The following GRIN2B variants were observed in gnomAD, a reference collection of about 807,000 sequenced individuals.
GRIN2B encodes the protein glutamate receptor ionotropic, NMDA 2B.
GRIN2B carries 5 observed loss-of-function variants against 114.5 expected under a neutral mutation model. That is an observed-to-expected ratio of 0.04 (90% CI 0.02 to 0.09). The LOEUF is 0.09. Ranked by LOEUF, GRIN2B falls within the 10% of genes least tolerant of loss-of-function variation. GRIN2B has a pLI of 1.00. For missense variants in GRIN2B, 1,108 were observed against 1,943.5 expected, an observed-to-expected ratio of 0.57 and a Z score of 8.08; for synonymous variants, 787 against 745.1, an observed-to-expected ratio of 1.06 and a Z score of -0.92.
At chr12:13,818,585 A>G (rs1478083293) in intron 3 of GRIN2B, among the ~76,000 whole-genome samples, 1 of 152,240 alleles carries the variant, frequency 6.6e-6, no homozygotes, top group Non-Finnish European at 1.5e-5. Context: ...AGTTAAATCT[A>G]TTTATTATAC....
chr12:13,810,439 T>C (rs1227427447), intron 3 of GRIN2B, among the ~76,000 whole-genome samples: 2 of 152,160 alleles, frequency 1.3e-5, no homozygotes, highest in East Asian at 3.9e-4. Flanking sequence ...CTACTGTGTC[T>C]ACTCAGTAGC....
chr12:13,837,402 G>C (rs1338050478), intron 3 of GRIN2B, among the ~76,000 whole-genome samples: 1 of 152,226 alleles, frequency 6.6e-6, no homozygotes, highest in Non-Finnish European at 1.5e-5. Context: ...TCACAGGATT[G>C]TTGGGAGGCA....
Position 13,564,706 on chromosome 12 carries a change from T to C in GRIN2B, c.2599-67A>G. ...CTAGAAATGACCACAAAAAACACTC[T>C]CCCACCAATAATTGCTCCAACTGGA... On this transcript the variant is annotated intron_variant, in intron 13 of 13. Transcript: ENST00000609686. The surrounding 1 kb of genome is among the most constrained non-coding windows in gnomAD (Gnocchi z 4.8). 2.2e-6 allele frequency: 3 copies of C among 1,358,678 alleles called. No homozygotes were observed. The highest frequency in any genetic ancestry group is 1.4e-5 in the African/African-American group (1 of 70,388). 84.2% of individuals were successfully genotyped at this position (1,358,678 alleles called of 1,614,324 possible). A position where few individuals can be genotyped will look rare whatever the true frequency, so the allele number is the denominator to read the frequency against.
In GRIN2B at chr12:13,760,453, T is replaced by C. The variant is rs111799775; in HGVS notation, c.412-6538A>G. 2.5e-3 allele frequency among the ~76,000 whole-genome samples: 379 copies of C among 152,356 alleles called. 3 individuals carry two copies. The highest frequency in any genetic ancestry group is 8.7e-3 in the African/African-American group (362 of 41,576). On this transcript the variant is annotated intron_variant, in intron 3 of 13. Transcript: ENST00000609686. ...AAAGTCTTTCACATTATTCAAATCT[T>C]AGTACTGTATAATATCATAGGGAAT...
intron 10 of GRIN2B, among the ~76,000 whole-genome samples, chr12:13,592,164 CA>C (rs1172077399): frequency 1.3e-5 from 2 of 152,024 alleles, no homozygotes; most frequent in Non-Finnish European, 2.9e-5. Flanking sequence ...TGTAGGAGGA[CA>C]GGGGTGGGTG....
chr12:13,734,060 G>A (rs116317074), intron 4 of GRIN2B, among the ~76,000 whole-genome samples: 2,622 of 152,234 alleles, frequency 0.017, 73 homozygotes, highest in African/African-American at 0.059. Context: ...AGTTCCTTTC[G>A]GAAAGTAATT....
chr12:13,591,200 C>A (rs1949004820), intron 10 of GRIN2B, among the ~76,000 whole-genome samples: 1 of 152,164 alleles, frequency 6.6e-6, no homozygotes, highest in Non-Finnish European at 1.5e-5. Context: ...CTCACTGAAA[C>A]AAGTGAGTGC....
chr12:13,573,563 C>T (rs892912324), intron 10 of GRIN2B, among the ~76,000 whole-genome samples: 1 of 125,692 alleles, frequency 8.0e-6, no homozygotes, highest in Non-Finnish European at 1.8e-5. Flanking sequence ...AACCCACTCT[C>T]TAAGCTTCTT....
At chr12:13,578,594 C>T (rs1948807144) in intron 10 of GRIN2B, among the ~76,000 whole-genome samples, 1 of 152,218 alleles carries the variant, frequency 6.6e-6, no homozygotes, top group African/African-American at 2.4e-5. Context: ...AAGAATCACT[C>T]AGGCAAGCCC....
In GRIN2B at chr12:13,558,966, A is replaced by C. The variant is rs2136396630; in HGVS notation, c.*3817T>G. On this transcript the variant is annotated 3_prime_UTR_variant, in exon 14 of 14. Coordinates refer to ENST00000609686, the MANE Select transcript of GRIN2B (RefSeq NM_000834.5). The stretch of plus-strand genomic sequence containing the variant: ...ACCACTTCTGCAATGGAAGGGAATG[A>C]TAGAGGGTACAAAGCGAGAAAGCAT... The C allele has an allele frequency of 6.6e-6, 1 of 152,378 alleles. No individual in the cohort carries two copies. The highest frequency in any genetic ancestry group is 2.1e-4 in the South Asian group (1 of 4,828). The allele number at this position is 152,378 out of a possible 1,614,324, so 9.4% of individuals were successfully genotyped here. A position where few individuals can be genotyped will look rare whatever the true frequency, so the allele number is the denominator to read the frequency against.
Position 13,564,690 on chromosome 12 carries a change from A to G in GRIN2B, c.2599-51T>C. ...TAGATCTCCAGAGAGGCTAGAAATG[A>G]CCACAAAAAACACTCTCCCACCAAT... On this transcript the variant is annotated intron_variant, in intron 13 of 13. Coordinates refer to ENST00000609686, the MANE Select transcript of GRIN2B (RefSeq NM_000834.5). This position sits in a 1 kb window ranked among gnomAD's most constrained non-coding sequence, Gnocchi z 4.8. 1 of 1,490,080 alleles carries G rather than the reference A, an allele frequency of 6.7e-7. No individual in the cohort carries two copies. The highest frequency in any genetic ancestry group is 2.3e-5 in the East Asian group (1 of 44,290). The allele number at this position is 1,490,080 out of a possible 1,614,324, so 92.3% of individuals were successfully genotyped here.
At chr12:13,785,139 T>A (rs1233205769) in intron 3 of GRIN2B, among the ~76,000 whole-genome samples, 2 of 152,230 alleles carry the variant, frequency 1.3e-5, no homozygotes, top group Non-Finnish European at 2.9e-5. Context: ...TTAATTCAAT[T>A]ATAACATGTC....
At chr12:13,892,335 G>A (rs1391667646) in intron 2 of GRIN2B, among the ~76,000 whole-genome samples, 1 of 152,166 alleles carries the variant, frequency 6.6e-6, no homozygotes, top group African/African-American at 2.4e-5. Context: ...ATGCTTATAT[G>A]TCAAATCCAA....
chr12:13,859,647 T>C (rs1190563709), intron 3 of GRIN2B, among the ~76,000 whole-genome samples: 2 of 152,200 alleles, frequency 1.3e-5, no homozygotes, highest in South Asian at 4.2e-4. Flanking sequence ...TGGGAAAAAG[T>C]CTTAAAGTCA....
At chr12:13,614,983 G>T in intron 8 of GRIN2B, 131 bp downstream of exon 8, 1 of 818,034 alleles carries the variant, frequency 1.2e-6, no homozygotes. Context: ...CCTAAGTGAA[G>T]TCCCTGGCTG....
chr12:13,680,104 CT>C (rs1950113713), intron 4 of GRIN2B, among the ~76,000 whole-genome samples: 5 of 151,986 alleles, frequency 3.3e-5, no homozygotes, highest in Non-Finnish European at 7.4e-5. Context: ...TGAAATACAT[CT>C]GAAAAATGGA....
At chr12:13,863,683 G>A (rs1865782931) in intron 3 of GRIN2B, among the ~76,000 whole-genome samples, 1 of 152,190 alleles carries the variant, frequency 6.6e-6, no homozygotes, top group Non-Finnish European at 1.5e-5. Context: ...GAAAAAAAGA[G>A]TTCAGTCTCT....
At chr12:13,898,724 C>T (rs377253506) in intron 2 of GRIN2B, among the ~76,000 whole-genome samples, 7 of 152,278 alleles carry the variant, frequency 4.6e-5, no homozygotes, top group East Asian at 1.9e-4. Context: ...CCAGCCTGAC[C>T]GACATGGAGA....
Position 13,712,484 on chromosome 12 carries a change from T to C in GRIN2B, c.1011-36625A>G, listed in dbSNP as rs190846565. Among the ~76,000 whole-genome samples the C allele has an allele frequency of 2.7e-4, 41 of 151,872 alleles. 2 individuals are homozygous for C. Among genetic ancestry groups the C allele is most frequent in the Admixed American group, 1.9e-3 (29 of 15,216 alleles). On this transcript the variant is annotated intron_variant, in intron 4 of 13. Transcript: ENST00000609686. ...AACAGTGGTCGCCTTTGTGTATAGA[T>C]GTGTATTGGGAGTGGGGAGAGGACA...
Sources: gnomAD v4.1 joint callset for allele counts (sites outside exome capture counted in the v4.1 genomes callset) on GRCh38, gnomAD v4.1.1 for gene constraint, Gnocchi (gnomAD v3.1) non-coding constraint, MANE v1.5 for transcripts, NCBI Gene and HGNC (gene_info 2026-07-23, HGNC 2026-07-21) for gene names.